The following SLC24A5 variants were observed in gnomAD, a reference collection of about 807,000 sequenced individuals.
SLC24A5 encodes solute carrier family 24 member 5, also known as sodium/potassium/calcium exchanger 5.
SLC24A5 carries 46 observed loss-of-function variants against 51.6 expected under a neutral mutation model. That is an observed-to-expected ratio of 0.89 (90% confidence interval 0.70 to 1.14). SLC24A5 has a LOEUF of 1.14. Ranked by LOEUF, SLC24A5 falls within the 50% of genes most tolerant of loss-of-function variation. The pLI, the probability that SLC24A5 is intolerant of heterozygous loss-of-function variation, is 0.00. For missense variants in SLC24A5, 581 were observed against 604.1 expected (o/e 0.96, Z 0.40); for synonymous variants, 230 against 214.9 (o/e 1.07, Z -0.62).
At chr15:48,134,625 C>A in intron 4 of SLC24A5, 87 bp downstream of exon 4, 1 of 977,986 alleles carries the variant, frequency 1.0e-6, no homozygotes, top group African/African-American at 1.6e-5. Context: ...CAACAGGGCA[C>A]TAATAATATG....
At chr15:48,121,793 T>A in intron 1 of SLC24A5, 64 bp from the exon 2 acceptor site, 1 of 1,518,628 alleles carries the variant, frequency 6.6e-7, no homozygotes, top group South Asian at 1.2e-5. Flanking sequence ...TTAAGGAAGC[T>A]CTCTGTGGGC....
intron 2 of SLC24A5, among the ~76,000 whole-genome samples, chr15:48,131,088 T>C (rs868638852): frequency 6.6e-6 from 1 of 152,148 alleles, no homozygotes; most frequent in South Asian, 2.1e-4. Context: ...TGGGAGTGCA[T>C]TGTACACCAT....
chr15:48,132,263 C>T (rs2038797941), intron 2 of SLC24A5, among the ~76,000 whole-genome samples: 1 of 152,024 alleles, frequency 6.6e-6, no homozygotes, highest in South Asian at 2.1e-4. Flanking sequence ...CTTTAGTTAC[C>T]TTCTCAATTA....
Position 48,121,099 on chromosome 15 carries a change from C to A in SLC24A5, c.55C>A (p.Leu19Met), listed in dbSNP as rs373895181. 4.3e-5 allele frequency: 69 copies of A among 1,613,930 alleles called. No homozygotes were observed. The African/African-American group carries it at 7.2e-4, about 17-fold the overall frequency. ...GAGAAGGGCTCTGTTGCTCGGCATCCTGTGGGCCACTGCACATCTGCCTCT... is the reference window on the plus strand; with the variant it reads ...GAGAAGGGCTCTGTTGCTCGGCATCATGTGGGCCACTGCACATCTGCCTCT... The part of the protein sequence containing the change: ...WARRALLLGI[L>M]WATAHLPLSG... Residue 19 changes from leucine (L) to methionine (M), a missense_variant, in exon 1 of 9, where the codon CTG (leucine) becomes ATG (methionine). Coordinates refer to ENST00000341459, the MANE Select transcript of SLC24A5 (RefSeq NM_205850.3).
Position 48,139,195 on chromosome 15 carries a change from T to C in SLC24A5, c.1078+20T>C, listed in dbSNP as rs757171846. 42 of 1,567,632 alleles carry C rather than the reference T, an allele frequency of 2.7e-5. No individual in the cohort carries two copies. The highest frequency in any genetic ancestry group is 3.3e-5 in the Non-Finnish European group (38 of 1,142,242). On this transcript the variant is annotated intron_variant, in intron 7 of 8. Coordinates refer to ENST00000341459, the MANE Select transcript of SLC24A5 (RefSeq NM_205850.3). ...TAACTGGTATGTATTTTAAGTACAA[T>C]AGCACAACTTGAAAATATTCATATA...
Position 48,136,702 on chromosome 15 carries a change from C to T in SLC24A5, c.610C>T (p.Leu204Phe). The T allele has an allele frequency of 6.2e-7, 1 of 1,609,574 alleles. No individual in the cohort carries two copies. The highest frequency in any genetic ancestry group is 8.5e-7 in the Non-Finnish European group (1 of 1,177,560). ...QVYWYEGALL[L>F]LIYGLYVLVL... ...TTGTAGGTATGAAGGGGCTTTACTG[C>T]TTTTGATATATGGATTGTATGTTTT... The change falls in exon 6 of 9, where the codon CTT (leucine) becomes TTT (phenylalanine). Residue 204 changes from leucine (L) to phenylalanine (F), a missense_variant. Coordinates refer to ENST00000341459, the MANE Select transcript of SLC24A5 (RefSeq NM_205850.3).
rs1213000693 is a variant in SLC24A5 at position 48,139,142 on chromosome 15, A to G, written c.1045A>G (p.Thr349Ala). Residue 349 changes from threonine to alanine, a missense_variant, in exon 7 of 9, where the codon ACA becomes GCA. Thr to Ala is a moderately conservative substitution (Grantham distance 58, BLOSUM62 0). Transcript: ENST00000341459. ...GTCTGCAATATGGATATCCGCATTT[A>G]CATATATCCTGGTTTGGATGGTCAC... ...FMSAIWISAF[T>A]YILVWMVTIT... The G allele has an allele frequency of 6.2e-7, 1 of 1,612,610 alleles. No homozygotes were observed. The highest frequency in any genetic ancestry group is 1.3e-5 in the African/African-American group (1 of 74,890).
chr15:48,142,203 T>C lies in SLC24A5; in HGVS notation c.1355T>C (p.Leu452Pro), dbSNP rs781779689. 6.2e-7 allele frequency: 1 copy of C among 1,613,788 alleles called. No homozygotes were observed. Among genetic ancestry groups the C allele is most frequent in the Admixed American group, 1.7e-5 (1 of 60,016 alleles). ...TISLNISIIFLFLAVHFNGWK... is the reference protein window; with the variant it reads ...TISLNISIIFPFLAVHFNGWK... ...TCTCTCAACATTTCAATTATTTTTC[T>C]TTTTTTAGCAGTTCACTTCAATGGC... is the stretch of plus-strand genomic sequence containing the variant. Residue 452 changes from leucine (L) to proline (P), a missense_variant, in exon 9 of 9, where the codon CTT (leucine) becomes CCT (proline). Transcript: ENST00000341459.
At chr15:48,134,618 C>T (rs1215349194) in intron 4 of SLC24A5, 80 bp downstream of exon 4, 5 of 1,056,952 alleles carry the variant, frequency 4.7e-6, no homozygotes, top group Non-Finnish European at 7.2e-6. Flanking sequence ...GGATGGACAA[C>T]AGGGCACTAA....
In SLC24A5 at chr15:48,134,512, G is replaced by T. The variant is rs1291111956; in HGVS notation, c.463G>T (p.Ala155Ser). Reference protein sequence around the residue: ...SAIYNLLGICAACGLLSNTVS... With the variant: ...SAIYNLLGICSACGLLSNTVS... ...AATTTATAATCTCCTTGGCATCTGT[G>T]CTGCCTGTGGTTTGCTATCTAATAC... The change falls in exon 4 of 9, where the codon GCT becomes TCT. Residue 155 changes from alanine (A) to serine (S), a missense_variant. Ala to Ser is a moderately conservative substitution (Grantham distance 99, BLOSUM62 1). Coordinates refer to ENST00000341459, the MANE Select transcript of SLC24A5 (RefSeq NM_205850.3). 6.2e-7 allele frequency: 1 copy of T among 1,613,316 alleles called. No individual in the cohort carries two copies. Among genetic ancestry groups the T allele is most frequent in the Admixed American group, 1.7e-5 (1 of 59,960 alleles).
Position 48,121,184 on chromosome 15 carries a change from C to T in SLC24A5, c.121+19C>T. On this transcript the variant is annotated intron_variant, in intron 1 of 8. Coordinates refer to ENST00000341459, the MANE Select transcript of SLC24A5 (RefSeq NM_205850.3). ...GCCACAGGTAGGTGGACATTGGGGT[C>T]AGTTAGCTCTGCAGCAGCAGCTGCT... 1 of 1,593,974 alleles carries T rather than the reference C, an allele frequency of 6.3e-7. No individual in the cohort carries two copies. Among genetic ancestry groups the T allele is most frequent in the Non-Finnish European group, 8.5e-7 (1 of 1,170,644 alleles).
intron 2 of SLC24A5, among the ~76,000 whole-genome samples, 186 bp from the exon 3 acceptor site, chr15:48,134,072 A>G (rs2038834426): frequency 6.6e-6 from 1 of 152,016 alleles, no homozygotes; most frequent in South Asian, 2.1e-4. Context: ...CACCCTTTCT[A>G]TAGAAGCATT....
At chr15:48,129,680 C>T (rs1054039874) in intron 2 of SLC24A5, among the ~76,000 whole-genome samples, 2 of 151,480 alleles carry the variant, frequency 1.3e-5, no homozygotes, top group African/African-American at 4.9e-5. Context: ...CTATTTTTCC[C>T]CTTCATCGTC....
chr15:48,141,839 A>G (rs1478842436), intron 8 of SLC24A5, 190 bp from the exon 9 acceptor site: 2 of 388,822 alleles, frequency 5.1e-6, no homozygotes, highest in Non-Finnish European at 9.1e-6. Flanking sequence ...TTATTAAATA[A>G]ATGTTAAGAC....
Position 48,134,956 on chromosome 15 carries a change from G to C in SLC24A5, c.562G>C (p.Gly188Arg), listed in dbSNP as rs1335131907. 6.2e-7 allele frequency: 1 copy of C among 1,611,488 alleles called. No individual in the cohort carries two copies. Among genetic ancestry groups the C allele is most frequent in the South Asian group, 1.1e-5 (1 of 90,726 alleles). The change falls in exon 5 of 9, where the codon GGT (glycine) becomes CGT (arginine). Residue 188 changes from glycine to arginine, a missense_variant. Gly to Arg is a moderately radical substitution (Grantham distance 125, BLOSUM62 -2). Coordinates refer to ENST00000341459, the MANE Select transcript of SLC24A5 (RefSeq NM_205850.3). ...AYTISAAAVL[G>R]IIYDNQVYWY... The stretch of plus-strand genomic sequence containing the variant: ...CACAATTAGTGCAGCAGCAGTTCTT[G>C]GTATAATATATGACAACCAAGTTTA...
chr15:48,122,133 C>A (rs778936036), intron 2 of SLC24A5, 97 bp downstream of exon 2: 7 of 1,285,988 alleles, frequency 5.4e-6, no homozygotes, highest in Non-Finnish European at 7.9e-6. Flanking sequence ...CTGTACTTCT[C>A]AACTGGTTGC....
chr15:48,122,250 C>T (rs1206647671), intron 2 of SLC24A5: 1 of 598,210 alleles, frequency 1.7e-6, no homozygotes, highest in Non-Finnish European at 3.0e-6. Flanking sequence ...TAGAACCCGG[C>T]AGTTATTATT....
chr15:48,140,882 G>T, intron 7 of SLC24A5: 1 of 387,990 alleles, frequency 2.6e-6, no homozygotes. Flanking sequence ...AATTTTAGCT[G>T]TTACGTATCT....
chr15:48,122,268 C>CT, intron 2 of SLC24A5: 1 of 593,124 alleles, frequency 1.7e-6, no homozygotes, highest in East Asian at 2.7e-5. Context: ...ATTTTTCTGC[C>CT]TATTTCCAGA....
Sources: gnomAD v4.1 joint callset for allele counts (sites outside exome capture counted in the v4.1 genomes callset) on GRCh38, gnomAD v4.1.1 for gene constraint, MANE v1.5 for transcripts, NCBI Gene and HGNC (gene_info 2026-07-23, HGNC 2026-07-21) for gene names.